DENND4C: variants seen among roughly 807,000 people sequenced by gnomAD.
DENND4C encodes DENN domain-containing protein 4C.
In DENND4C, 108 loss-of-function variants were observed where a neutral mutation model predicts 203.0. The observed-to-expected ratio is 0.53, with a 90% CI of 0.46 to 0.62. The LOEUF (loss-of-function observed/expected upper bound fraction) is 0.62, where lower values mean the gene tolerates loss of function less well. DENND4C is among the 20% of genes least tolerant of loss of function. The probability of loss-of-function intolerance (pLI) is 0.00; values close to 1 mark genes in which losing one functional copy is unlikely to be tolerated. For missense variants in DENND4C, 2,481 were observed against 2,301.2 expected, an observed-to-expected ratio of 1.08 and a Z score of -1.60; for synonymous variants, 871 against 792.4, an observed-to-expected ratio of 1.10 and a Z score of -1.67.
At chr9:19,247,921 A>G (rs960540108) in intron 1 of DENND4C, among the ~76,000 whole-genome samples, 8 of 151,964 alleles carry the variant, frequency 5.3e-5, no homozygotes, top group African/African-American at 1.9e-4. Context: ...TTTACCTTCA[A>G]ACTATATCCC....
At chr9:19,314,124 C>T (rs1841291697) in intron 10 of DENND4C, among the ~76,000 whole-genome samples, 1 of 151,698 alleles carries the variant, frequency 6.6e-6, no homozygotes, top group South Asian at 2.1e-4. Context: ...ACTTTGGGGA[C>T]TTGGGGGAAA....
intron 2 of DENND4C, among the ~76,000 whole-genome samples, chr9:19,277,688 A>G (rs1015835668): frequency 6.6e-6 from 1 of 151,932 alleles, no homozygotes; most frequent in Non-Finnish European, 1.5e-5. Context: ...TAGAACTTTT[A>G]GTATGTTGAA....
At chr9:19,263,355 T>A (rs1250086197) in intron 1 of DENND4C, among the ~76,000 whole-genome samples, 1 of 152,098 alleles carries the variant, frequency 6.6e-6, no homozygotes, top group East Asian at 1.9e-4. Context: ...TTTTTGTTTG[T>A]TTGTTTATTT....
chr9:19,243,923 G>A (rs965198356), intron 1 of DENND4C, among the ~76,000 whole-genome samples: 1 of 152,170 alleles, frequency 6.6e-6, no homozygotes. Flanking sequence ...TTATCTTCCT[G>A]CCTTAGCCTC....
chr9:19,248,776 G>A (rs1238985153), intron 1 of DENND4C, among the ~76,000 whole-genome samples: 1 of 149,162 alleles, frequency 6.7e-6, no homozygotes, highest in Admixed American at 6.8e-5. Flanking sequence ...TCTCTGTTTT[G>A]ATTTACTTTT....
In DENND4C at chr9:19,275,558, C is replaced by A. The variant is rs112145164; in HGVS notation, c.-17-600C>A. ...CAATCTCCGCTCACTGCAGCTTCTG[C>A]CCCCTGGGTTCAAGCGATTCTCCTG... On this transcript the variant is annotated intron_variant, in intron 1 of 32. Transcript: ENST00000434457. 3.7e-3 allele frequency among the ~76,000 whole-genome samples: 557 copies of A among 152,118 alleles called. 2 individuals are homozygous for A. Among genetic ancestry groups the A allele is most frequent in the African/African-American group, 0.013 (538 of 41,492 alleles).
At chr9:19,232,302 C>T (rs186282702) in intron 1 of DENND4C, among the ~76,000 whole-genome samples, 2 of 151,818 alleles carry the variant, frequency 1.3e-5, no homozygotes, top group African/African-American at 4.8e-5. Context: ...TTCTGCCACT[C>T]AATCCACACT....
intron 1 of DENND4C, among the ~76,000 whole-genome samples, chr9:19,234,295 A>G (rs912257153): frequency 6.6e-6 from 1 of 151,530 alleles, no homozygotes; most frequent in African/African-American, 2.4e-5. Context: ...CAGTGGCGCG[A>G]TCTCAGCTCA....
chr9:19,365,678 C>T (rs1363092534), intron 30 of DENND4C, among the ~76,000 whole-genome samples: 1 of 116,326 alleles, frequency 8.6e-6, no homozygotes, highest in African/African-American at 2.8e-5. Flanking sequence ...AGACACACAC[C>T]TAACATATTA....
chr9:19,325,854 T>A, intron 13 of DENND4C, 85 bp from the exon 14 acceptor site: 1 of 1,380,512 alleles, frequency 7.2e-7, no homozygotes, highest in Non-Finnish European at 1.0e-6. Flanking sequence ...GGGGTAGTTT[T>A]TTTCTAAATC....
At chr9:19,360,208 C>T in intron 28 of DENND4C, 36 bp from the exon 29 acceptor site, 1 of 1,592,924 alleles carries the variant, frequency 6.3e-7, no homozygotes, top group Non-Finnish European at 8.6e-7. Context: ...CAGATTTAAA[C>T]AGATAATATT....
At chr9:19,313,598 A>G (rs1276796839) in intron 10 of DENND4C, among the ~76,000 whole-genome samples, 6 of 152,250 alleles carry the variant, frequency 3.9e-5, no homozygotes, top group Non-Finnish European at 7.3e-5. Flanking sequence ...TTGACATGCC[A>G]TCACTTTTAA....
intron 15 of DENND4C, among the ~76,000 whole-genome samples, chr9:19,327,253 G>C (rs1818020984): frequency 1.3e-5 from 2 of 151,980 alleles, no homozygotes; most frequent in Admixed American, 1.3e-4. Context: ...AAAGAAATAA[G>C]TAGACAATTT....
chr9:19,327,047 T>C (rs1483762716), intron 15 of DENND4C, among the ~76,000 whole-genome samples: 2 of 152,100 alleles, frequency 1.3e-5, no homozygotes, highest in African/African-American at 4.8e-5. Flanking sequence ...AATTAATGTA[T>C]AATATCAAGA....
At chr9:19,260,730 T>C (rs1160025729) in intron 1 of DENND4C, among the ~76,000 whole-genome samples, 1 of 152,222 alleles carries the variant, frequency 6.6e-6, no homozygotes, top group Admixed American at 6.5e-5. Flanking sequence ...ATCAAATGGA[T>C]AGTTTGCAAA....
intron 10 of DENND4C, among the ~76,000 whole-genome samples, chr9:19,314,334 G>T (rs1483076037): frequency 6.6e-6 from 1 of 151,140 alleles, no homozygotes. Flanking sequence ...CACGCCTGTA[G>T]TCCCAGCTAC....
chr9:19,257,782 A>G (rs906447394), intron 1 of DENND4C, among the ~76,000 whole-genome samples: 3 of 152,224 alleles, frequency 2.0e-5, no homozygotes, highest in Admixed American at 2.0e-4. Context: ...AAATTTGACA[A>G]CTTAGATGGA....
chr9:19,305,621 G>A lies in DENND4C; in HGVS notation c.1487+94G>A, dbSNP rs777430379. ...AGCATCTAGAAATATGCTATTTTTG[G>A]TAGTTGTTAAATCTTCGTCTTAAAT... is the stretch of plus-strand genomic sequence containing the variant. On this transcript the variant is annotated intron_variant, in intron 10 of 32. Coordinates refer to ENST00000434457, the MANE Select transcript of DENND4C (RefSeq NM_001330640.2). 2.3e-5 allele frequency: 30 copies of A among 1,298,824 alleles called. 1 individual carries two copies. In the South Asian group the frequency reaches 4.2e-4, roughly 18 times the overall value. 80.5% of individuals were successfully genotyped at this position (1,298,824 alleles called of 1,614,324 possible).
intron 22 of DENND4C, among the ~76,000 whole-genome samples, chr9:19,343,017 T>A (rs1434005172): frequency 2.6e-5 from 4 of 152,092 alleles, no homozygotes; most frequent in African/African-American, 9.7e-5. Flanking sequence ...CCTGTTGTGG[T>A]GCCTGTCCAC....
Sources: allele counts gnomAD v4.1 joint callset (sites outside exome capture counted in the v4.1 genomes callset), GRCh38; gene constraint gnomAD v4.1.1; transcripts MANE v1.5; gene names NCBI Gene and HGNC (gene_info 2026-07-23, HGNC 2026-07-21).